Variants in TMED5 observed in about 807,000 individuals in gnomAD.
The protein encoded by TMED5 is transmembrane p24 trafficking protein 5, also known as transmembrane emp24 domain-containing protein 5.
TMED5 carries 27 observed loss-of-function variants against 23.0 expected under a neutral mutation model. The ratio of observed to expected loss-of-function variants is 1.17; its 90% CI spans 0.86 to 1.62. The LOEUF (loss-of-function observed/expected upper bound fraction) is 1.62. Ranked by LOEUF, TMED5 falls within the 40% of genes most tolerant of loss-of-function variation. The pLI is 0.00. For missense variants in TMED5, 248 were observed against 273.7 expected, an observed-to-expected ratio of 0.91 and a Z score of 0.66; for synonymous variants, 97 against 100.8, an observed-to-expected ratio of 0.96 and a Z score of 0.23.
intron 1 of TMED5, among the ~76,000 whole-genome samples, chr1:93,178,855 T>A (rs937280712): frequency 4.6e-5 from 7 of 152,176 alleles, no homozygotes; most frequent in Admixed American, 6.5e-5. Context: ...ATTCTCTACA[T>A]CAACTTAAAA....
rs573469122 is a variant in TMED5, at chr1:93,165,571, G to A, written c.190-5345C>T. 7.0e-4 allele frequency among the ~76,000 whole-genome samples: 106 copies of A among 152,246 alleles called. 2 individuals are homozygous for A. Among genetic ancestry groups the A allele is most frequent in the African/African-American group, 2.4e-3 (100 of 41,550 alleles). ...GCAAATTTTTTTAAAATTTTAATTT[G>A]TGTGGGTAAATAGTAGGTGTACATA... On this transcript the variant is annotated intron_variant, in intron 1 of 3. Coordinates refer to ENST00000370282, the MANE Select transcript of TMED5 (RefSeq NM_016040.5).
At chr1:93,160,350 T>A (rs1648224182) in intron 1 of TMED5, 124 bp from the exon 2 acceptor site, 1 of 555,546 alleles carries the variant, frequency 1.8e-6, no homozygotes, top group Non-Finnish European at 3.2e-6. Flanking sequence ...ATCAGTGATG[T>A]CTGAGCTAGA....
intron 1 of TMED5, among the ~76,000 whole-genome samples, chr1:93,174,428 T>C (rs1405170218): frequency 6.6e-6 from 1 of 152,226 alleles, no homozygotes. Context: ...GGAGTATCAC[T>C]TGTGCCCAAA....
chr1:93,152,376 TAAAA>T lies in TMED5; in HGVS notation c.*2290_*2293del, dbSNP rs1005970342. On this transcript the variant is annotated 3_prime_UTR_variant, in exon 4 of 4. Transcript: ENST00000370282. ...TAATTTAGAAATGGAATAGTGAAATTAAAAAAAGCATATGAAGCAGATAAACAGT... is the reference window on the plus strand; with the variant it reads ...TAATTTAGAAATGGAATAGTGAAATTAAAGCATATGAAGCAGATAAACAGT... The T allele has an allele frequency of 3.3e-5, 5 of 152,278 alleles. No individual in the cohort carries two copies. Among genetic ancestry groups the T allele is most frequent in the African/African-American group, 9.7e-5 (4 of 41,424 alleles). 9.4% of individuals were successfully genotyped at this position (152,278 alleles called of 1,614,324 possible).
chr1:93,163,157 C>T (rs1571275864), intron 1 of TMED5: 1 of 40,178 alleles, frequency 2.5e-5, no homozygotes, highest in South Asian at 1.8e-3. Context: ...AAGAATTACT[C>T]AAGGATACCC....
In TMED5 at chr1:93,180,254, C is replaced by T. The variant is rs1180924873; in HGVS notation, c.-12G>A. On this transcript the variant is annotated 5_prime_UTR_variant, in exon 1 of 4. Coordinates refer to ENST00000370282, the MANE Select transcript of TMED5 (RefSeq NM_016040.5). ...ATCTTGTCGCCCATCCCTGCTGGGG[C>T]GATCCCGGGCTGAAAGAGGCGTCAG... is the stretch of plus-strand genomic sequence containing the variant. 1 of 1,598,628 alleles carries T rather than the reference C, an allele frequency of 6.3e-7. No homozygotes were observed. Among genetic ancestry groups the T allele is most frequent in the Non-Finnish European group, 8.5e-7 (1 of 1,175,150 alleles).
intron 1 of TMED5, among the ~76,000 whole-genome samples, chr1:93,170,591 C>T (rs1336183853): frequency 6.6e-6 from 1 of 152,212 alleles, no homozygotes; most frequent in East Asian, 1.9e-4. Context: ...TCCCATCAAC[C>T]GCCCAAGGGC....
chr1:93,160,234 A>G lies in TMED5; in HGVS notation c.190-8T>C, dbSNP rs1648220757. ...TCCTGCTCCATCTAAAACCTGTAGAAAAGCATACATGAGAAAAACATATAT... is the reference window on the plus strand; with the variant it reads ...TCCTGCTCCATCTAAAACCTGTAGAGAAGCATACATGAGAAAAACATATAT... On this transcript the variant is annotated splice_polypyrimidine_tract_variant and splice_region_variant and intron_variant, in intron 1 of 3. Transcript: ENST00000370282. 1.9e-6 allele frequency: 3 copies of G among 1,551,346 alleles called. No individual in the cohort carries two copies. In the African/African-American group the frequency reaches 4.1e-5, roughly 21 times the overall value.
At position 93,180,355 on chromosome 1, in the gene TMED5, T is replaced by G; in HGVS notation, c.-113A>C. The G allele has an allele frequency of 7.3e-7, 1 of 1,365,346 alleles. No individual in the cohort carries two copies. The highest frequency in any genetic ancestry group is 1.3e-5 in the South Asian group (1 of 74,148). The allele number at this position is 1,365,346 out of a possible 1,614,324, so 84.6% of individuals were successfully genotyped here. A position where few individuals can be genotyped will look rare whatever the true frequency, so the allele number is the denominator to read the frequency against. On this transcript the variant is annotated 5_prime_UTR_variant, in exon 1 of 4. Coordinates refer to ENST00000370282, the MANE Select transcript of TMED5 (RefSeq NM_016040.5). ...AGGGAAATCTGGAGTCTGAAGAAAC[T>G]CCAGGTGGCGGCCGCGGCGGCGGCG...
In TMED5 at chr1:93,151,333, C is replaced by T. The variant is rs999456792; in HGVS notation, c.*3337G>A. On this transcript the variant is annotated 3_prime_UTR_variant, in exon 4 of 4. Coordinates refer to ENST00000370282, the MANE Select transcript of TMED5 (RefSeq NM_016040.5). ...ATGACCAAATAATAACCTACCTACA[C>T]CAAGCATTGTACTTTTCCTATATGC... 6.6e-6 allele frequency: 1 copy of T among 152,136 alleles called. No homozygotes were observed. The highest frequency in any genetic ancestry group is 1.5e-5 in the Non-Finnish European group (1 of 68,028). The allele number at this position is 152,136 out of a possible 1,614,324, so 9.4% of individuals were successfully genotyped here.
intron 1 of TMED5, among the ~76,000 whole-genome samples, chr1:93,178,981 G>C (rs1649085951): frequency 6.6e-6 from 1 of 152,066 alleles, no homozygotes; most frequent in Non-Finnish European, 1.5e-5. Context: ...GCTGTGGAAC[G>C]AACAAGATTT....
chr1:93,174,844 G>A (rs185946927), intron 1 of TMED5, among the ~76,000 whole-genome samples: 55 of 152,092 alleles, frequency 3.6e-4, no homozygotes, highest in African/African-American at 1.3e-3. Context: ...TGGCTGCATA[G>A]TATTTCATGG....
In TMED5 at chr1:93,156,195, G is replaced by A. The variant is rs1454092506; in HGVS notation, c.471+105C>T. 3 of 1,205,168 alleles carry A rather than the reference G, an allele frequency of 2.5e-6. No homozygotes were observed. The African/African-American group carries it at 4.6e-5, about 19-fold the overall frequency. The allele number at this position is 1,205,168 out of a possible 1,614,324, so 74.7% of individuals were successfully genotyped here. A position where few individuals can be genotyped will look rare whatever the true frequency, so the allele number is the denominator to read the frequency against. The stretch of plus-strand genomic sequence containing the variant: ...TGGCAAAAATAAAATATTAGAAACA[G>A]ATTTTCCTGGATAATGCAGATAAAA... On this transcript the variant is annotated intron_variant, in intron 3 of 3. Coordinates refer to ENST00000370282, the MANE Select transcript of TMED5 (RefSeq NM_016040.5).
chr1:93,160,402 G>T, intron 1 of TMED5, 176 bp from the exon 2 acceptor site: 1 of 466,978 alleles, frequency 2.1e-6, no homozygotes, highest in Non-Finnish European at 3.9e-6. Context: ...ATTCATTTTT[G>T]GAACTTGTCC....
At chr1:93,166,164 T>C (rs913409940) in intron 1 of TMED5, among the ~76,000 whole-genome samples, 1 of 152,264 alleles carries the variant, frequency 6.6e-6, no homozygotes, top group Admixed American at 6.5e-5. Context: ...CATTCATCTG[T>C]TGATGAACAC....
intron 2 of TMED5, among the ~76,000 whole-genome samples, chr1:93,159,898 C>T (rs1372731809): frequency 6.6e-6 from 1 of 152,144 alleles, no homozygotes; most frequent in Admixed American, 6.5e-5. Flanking sequence ...ATTTACTAAC[C>T]AAAGCACAGA....
In TMED5 at chr1:93,149,981, TAGTC is replaced by T. The variant is rs1477621186; in HGVS notation, c.*4685_*4688del. ...GCCTGGGCAACATGGCGAAATTAAT[TAGTC>T]AGAAATATGTATATACCAACATACT... is the stretch of plus-strand genomic sequence containing the variant. On this transcript the variant is annotated 3_prime_UTR_variant, in exon 4 of 4. Coordinates refer to ENST00000370282, the MANE Select transcript of TMED5 (RefSeq NM_016040.5). 6.6e-6 allele frequency: 1 copy of T among 152,196 alleles called. No individual in the cohort carries two copies. The highest frequency in any genetic ancestry group is 1.5e-5 in the Non-Finnish European group (1 of 68,048). 9.4% of individuals were successfully genotyped at this position (152,196 alleles called of 1,614,324 possible).
chr1:93,152,976 C>T lies in TMED5; in HGVS notation c.*1694G>A, dbSNP rs1647930714. 1 of 152,452 alleles carries T rather than the reference C, an allele frequency of 6.6e-6. No homozygotes were observed. The highest frequency in any genetic ancestry group is 1.5e-5 in the Non-Finnish European group (1 of 67,994). The allele number at this position is 152,452 out of a possible 1,614,324, so 9.4% of individuals were successfully genotyped here. A position where few individuals can be genotyped will look rare whatever the true frequency, so the allele number is the denominator to read the frequency against. On this transcript the variant is annotated 3_prime_UTR_variant, in exon 4 of 4. Coordinates refer to ENST00000370282, the MANE Select transcript of TMED5 (RefSeq NM_016040.5). ...GTAGGGAAATCTAAGCTGCTCTTCT[C>T]CCAGGGGCCTAAGAGGGAAATGTAT...
intron 1 of TMED5, among the ~76,000 whole-genome samples, chr1:93,166,844 A>G (rs182535507): frequency 6.6e-6 from 1 of 152,300 alleles, no homozygotes; most frequent in Admixed American, 6.5e-5. Flanking sequence ...GCCCAGACCA[A>G]TGTCCTGGAG....
Sources: allele counts gnomAD v4.1 joint callset (sites outside exome capture counted in the v4.1 genomes callset), GRCh38; gene constraint gnomAD v4.1.1; transcripts MANE v1.5; gene names NCBI Gene and HGNC (gene_info 2026-07-23, HGNC 2026-07-21).